DGKH: variants seen among roughly 807,000 people sequenced by gnomAD.
DGKH encodes the protein DAG kinase eta.
A neutral mutation model predicts 159.3 loss-of-function variants in DGKH; 90 were observed. The ratio of observed to expected loss-of-function variants is 0.57; its 90% CI spans 0.48 to 0.67. DGKH has a LOEUF of 0.67. Among genes scored for constraint, DGKH ranks in the 30% least tolerant of loss-of-function variants. The probability of loss-of-function intolerance (pLI) is 0.00; values close to 1 mark genes in which losing one functional copy is unlikely to be tolerated. For synonymous variants in DGKH, 536 were observed against 553.8 expected (o/e 0.97, Z 0.45); for missense variants, 1,181 against 1,506.1 (o/e 0.78, Z 3.57).
Position 42,123,518 on chromosome 13 carries a change from T to C in DGKH, c.193-3945T>C, listed in dbSNP as rs1288263990. ...CTTCATCAAATTCAGGATCCTCTGC[T>C]CTTCAAAAGATGCCATTAATACAAT... is the stretch of plus-strand genomic sequence containing the variant. On this transcript the variant is annotated intron_variant, in intron 1 of 29. Transcript: ENST00000337343. Among the ~76,000 whole-genome samples, 13 of 142,082 alleles carry C rather than the reference T, an allele frequency of 9.1e-5. No homozygotes were observed. In the East Asian group the frequency reaches 2.7e-3, roughly 30 times the overall value. 93.2% of individuals were successfully genotyped at this position (142,082 alleles called of 152,430 possible).
chr13:42,071,055 A>G, intron 1 of DGKH: 1 of 1,203,404 alleles, frequency 8.3e-7, no homozygotes, highest in Non-Finnish European at 1.2e-6. Flanking sequence ...CCAGATCAAA[A>G]CCATGAATGT....
upstream of DGKH, among the ~76,000 whole-genome samples, chr13:42,048,278 T>TC (rs148625551): frequency 0.17 from 26,563 of 151,950 alleles, 2,406 homozygotes; most frequent in Non-Finnish European, 0.21. This position sits in a 1 kb window ranked among gnomAD's most constrained non-coding sequence, Gnocchi z 6.7. Context: ...GGGAGGAAGC[T>TC]CCAGGTTCCC....
At chr13:42,149,512 C>T (rs1955824859) in intron 3 of DGKH, among the ~76,000 whole-genome samples, 1 of 152,168 alleles carries the variant, frequency 6.6e-6, no homozygotes, top group African/African-American at 2.4e-5. Context: ...CTGGAGGCTG[C>T]AACATTGTTT....
intron 17 of DGKH, among the ~76,000 whole-genome samples, chr13:42,195,470 C>G (rs1416503060): frequency 6.6e-6 from 1 of 152,170 alleles, no homozygotes; most frequent in Non-Finnish European, 1.5e-5. Context: ...CCACTGCACT[C>G]CAGCCTGGGA....
intron 3 of DGKH, among the ~76,000 whole-genome samples, chr13:42,139,919 G>A (rs988654757): frequency 6.6e-6 from 1 of 152,128 alleles, no homozygotes; most frequent in Non-Finnish European, 1.5e-5. Context: ...CCAAAAACGA[G>A]GAACTCGCCT....
At chr13:42,079,027 C>T (rs1422238716) in intron 1 of DGKH, among the ~76,000 whole-genome samples, 1 of 149,502 alleles carries the variant, frequency 6.7e-6, no homozygotes, top group Non-Finnish European at 1.5e-5. Flanking sequence ...TCTCCTGCCT[C>T]AGCCTCCCGA....
intron 3 of DGKH, among the ~76,000 whole-genome samples, chr13:42,147,829 G>A (rs1275474762): frequency 6.6e-6 from 1 of 152,048 alleles, no homozygotes; most frequent in Non-Finnish European, 1.5e-5. Flanking sequence ...TATATATCTT[G>A]TAAATATTTT....
intron 3 of DGKH, among the ~76,000 whole-genome samples, chr13:42,155,081 A>C (rs1271412139): frequency 6.6e-6 from 1 of 152,216 alleles, no homozygotes; most frequent in Non-Finnish European, 1.5e-5. Context: ...AAAAGGGCTA[A>C]AGAGCCCAAG....
intron 13 of DGKH, among the ~76,000 whole-genome samples, chr13:42,179,435 C>A (rs1465906527): frequency 6.6e-6 from 1 of 152,106 alleles, no homozygotes; most frequent in Non-Finnish European, 1.5e-5. Context: ...TTATTAATGT[C>A]AACAAAACAG....
At chr13:42,219,577 C>T in intron 27 of DGKH, 109 bp from the exon 28 acceptor site, 1 of 1,224,176 alleles carries the variant, frequency 8.2e-7, no homozygotes, top group Non-Finnish European at 1.1e-6. Context: ...TATCACTGTT[C>T]TATAATGTTT....
At position 42,229,166 on chromosome 13, in the gene DGKH, G is replaced by A. The variant is rs1431336700; in HGVS notation, c.3641G>A (p.Ser1214Asn). The A allele has an allele frequency of 1.9e-6, 3 of 1,610,450 alleles. No homozygotes were observed. Among genetic ancestry groups the A allele is most frequent in the Non-Finnish European group, 1.7e-6 (2 of 1,179,072 alleles). The change falls in exon 30 of 30, where the codon AGC (serine) becomes AAC (asparagine). Residue 1214 changes from serine (S) to asparagine (N), a missense_variant. Around this residue, in one of 5 missense-constraint regions of DGKH, gnomAD observed 84 missense variants for 77.9 expected, o/e 1.08. Transcript: ENST00000337343. ...ILQGIKELGR[S>N]TPQSEV ...CAGGGAATTAAAGAGCTTGGAAGGA[G>A]CACTCCACAGTCGGAGGTGTAATCA... is the stretch of plus-strand genomic sequence containing the variant.
intron 9 of DGKH, among the ~76,000 whole-genome samples, chr13:42,167,177 C>A (rs746841166): frequency 6.6e-6 from 1 of 152,138 alleles, no homozygotes; most frequent in African/African-American, 2.4e-5. Context: ...AACTTAAAAT[C>A]TGTAAGATAA....
intron 12 of DGKH, 83 bp downstream of exon 12, chr13:42,174,227 C>A: frequency 8.7e-7 from 1 of 1,143,662 alleles, no homozygotes; most frequent in Non-Finnish European, 1.3e-6. Context: ...AAAATGTACT[C>A]CTAATATATT....
chr13:42,125,908 A>G (rs1955161351), intron 1 of DGKH, among the ~76,000 whole-genome samples: 1 of 152,338 alleles, frequency 6.6e-6, no homozygotes, highest in East Asian at 1.9e-4. Flanking sequence ...TCAGTGTGCA[A>G]TCCAGTGGGA....
chr13:42,249,561 C>T (rs1299376442), intron 29 of DGKH, among the ~76,000 whole-genome samples: 2 of 152,300 alleles, frequency 1.3e-5, no homozygotes, highest in African/African-American at 2.4e-5. Context: ...TTGCAGGACA[C>T]GTGGTCTCTG....
chr13:42,124,817 A>C (rs1262829691), intron 1 of DGKH, among the ~76,000 whole-genome samples: 1 of 152,202 alleles, frequency 6.6e-6, no homozygotes, highest in Non-Finnish European at 1.5e-5. Context: ...TTTTCTTAAG[A>C]GTCTGTGCAA....
intron 1 of DGKH, among the ~76,000 whole-genome samples, chr13:42,049,463 G>C (rs1881100945): frequency 6.6e-6 from 1 of 152,258 alleles, no homozygotes; most frequent in Non-Finnish European, 1.5e-5. Context: ...AGTGAGCCCT[G>C]CTGCTTTCCC....
At chr13:42,102,099 A>G (rs1954662942) in intron 1 of DGKH, among the ~76,000 whole-genome samples, 1 of 152,204 alleles carries the variant, frequency 6.6e-6, no homozygotes, top group South Asian at 2.1e-4. Context: ...CGGGGCTGGG[A>G]AGGCAGGAAG....
chr13:42,109,938 CAT>C (rs765441596), intron 1 of DGKH, among the ~76,000 whole-genome samples: 1 of 152,092 alleles, frequency 6.6e-6, no homozygotes, highest in African/African-American at 2.4e-5. Flanking sequence ...TTAAATATAA[CAT>C]ATATATGTGT....
Sources: allele counts gnomAD v4.1 joint callset (sites outside exome capture counted in the v4.1 genomes callset), GRCh38; gene constraint gnomAD v4.1.1; regional missense constraint gnomAD v4.1.1; non-coding constraint Gnocchi (gnomAD v3.1); transcripts MANE v1.5; gene names NCBI Gene and HGNC (gene_info 2026-07-23, HGNC 2026-07-21).